Variants in SCMH1 observed in about 807,000 individuals in gnomAD.
SCMH1 encodes the protein polycomb protein SCMH1.
In SCMH1, 37 loss-of-function variants were observed where a neutral mutation model predicts 70.8. That is an observed-to-expected ratio of 0.52 (90% CI 0.40 to 0.69). The LOEUF (loss-of-function observed/expected upper bound fraction) is 0.69, where lower values mean the gene tolerates loss of function less well. Among genes scored for constraint, SCMH1 ranks in the 30% least tolerant of loss-of-function variants. The pLI, the probability that SCMH1 is intolerant of heterozygous loss-of-function variation, is 0.00. For synonymous variants in SCMH1, 292 were observed against 307.4 expected (o/e 0.95, Z 0.52); for missense variants, 607 against 827.3 (o/e 0.73, Z 3.27).
chr1:41,187,013 G>T (rs376524828), intron 1 of SCMH1, among the ~76,000 whole-genome samples: 4 of 152,208 alleles, frequency 2.6e-5, no homozygotes, highest in East Asian at 3.9e-4. Context: ...TTCCCCTAAA[G>T]AACTTTCACT....
chr1:41,148,726 T>A (rs980519000), intron 5 of SCMH1, among the ~76,000 whole-genome samples: 1 of 152,084 alleles, frequency 6.6e-6, no homozygotes, highest in Non-Finnish European at 1.5e-5. Flanking sequence ...TCTGAGTAGT[T>A]TTCTTCTATT....
chr1:41,102,316 G>A (rs964539527), intron 8 of SCMH1, among the ~76,000 whole-genome samples: 1 of 152,140 alleles, frequency 6.6e-6, no homozygotes, highest in Middle Eastern at 3.2e-3. Flanking sequence ...ATTGGCCTTG[G>A]TATAGTAATT....
intron 2 of SCMH1, among the ~76,000 whole-genome samples, chr1:41,183,765 T>C (rs528532514): frequency 1.7e-4 from 26 of 152,258 alleles, no homozygotes; most frequent in Admixed American, 3.9e-4. Flanking sequence ...AACTGTGACA[T>C]AGAGAATGAT....
chr1:41,145,671 C>A (rs958559860), intron 5 of SCMH1, among the ~76,000 whole-genome samples: 7 of 152,082 alleles, frequency 4.6e-5, no homozygotes, highest in Non-Finnish European at 7.4e-5. Context: ...ATGTGATTTG[C>A]AAATATAGTC....
At chr1:41,050,823 G>A (rs1047523178) in intron 10 of SCMH1, among the ~76,000 whole-genome samples, 3 of 152,010 alleles carry the variant, frequency 2.0e-5, no homozygotes, top group East Asian at 1.9e-4. Context: ...CCTAATAATC[G>A]GCAGAGTTGG....
chr1:41,079,057 G>T (rs535460785), intron 8 of SCMH1, among the ~76,000 whole-genome samples: 2 of 152,114 alleles, frequency 1.3e-5, no homozygotes, highest in Non-Finnish European at 2.9e-5. Flanking sequence ...ATTTAAGGTA[G>T]ATTTTAATAA....
At chr1:41,211,652 G>A (rs200990236) in intron 1 of SCMH1, among the ~76,000 whole-genome samples, 6 of 152,090 alleles carry the variant, frequency 3.9e-5, no homozygotes, top group East Asian at 1.9e-4. Context: ...TTGACCCAGC[G>A]ATCCCATTAC....
At chr1:41,183,763 CAT>C (rs1477414378) in intron 2 of SCMH1, among the ~76,000 whole-genome samples, 1 of 152,074 alleles carries the variant, frequency 6.6e-6, no homozygotes, top group Non-Finnish European at 1.5e-5. Context: ...ACAACTGTGA[CAT>C]AGAGAATGAT....
intron 1 of SCMH1, among the ~76,000 whole-genome samples, chr1:41,212,788 C>A (rs537143558): frequency 6.6e-6 from 1 of 152,160 alleles, no homozygotes; most frequent in African/African-American, 2.4e-5. Context: ...TGCCACTAGG[C>A]ACAAAATATG....
At chr1:41,039,580 A>G (rs761602273) in intron 12 of SCMH1, among the ~76,000 whole-genome samples, 1 of 152,044 alleles carries the variant, frequency 6.6e-6, no homozygotes, top group Non-Finnish European at 1.5e-5. Flanking sequence ...CCTGGGTTCA[A>G]GCAATTCTTG....
chr1:41,098,972 G>T, intron 8 of SCMH1: 1 of 266,482 alleles, frequency 3.8e-6, no homozygotes, highest in Non-Finnish European at 7.3e-6. Context: ...ACTTGTGGAT[G>T]TCAAAATCAA....
chr1:41,034,389 G>A (rs1341384445), intron 13 of SCMH1, among the ~76,000 whole-genome samples: 5 of 151,240 alleles, frequency 3.3e-5, no homozygotes, highest in Middle Eastern at 3.2e-3. Context: ...GTGCAGTGGC[G>A]TGATCTCGGC....
At chr1:41,220,180 C>T (rs1658962108) in intron 1 of SCMH1, among the ~76,000 whole-genome samples, 2 of 152,172 alleles carry the variant, frequency 1.3e-5, no homozygotes, top group African/African-American at 4.8e-5. Flanking sequence ...TTTGCTCACG[C>T]AAGGCAAGGA....
intron 8 of SCMH1, among the ~76,000 whole-genome samples, chr1:41,100,785 C>T (rs928345937): frequency 1.1e-4 from 16 of 152,016 alleles, no homozygotes; most frequent in African/African-American, 3.6e-4. Flanking sequence ...AGGCTGGTCT[C>T]GAACTCCTGA....
chr1:41,194,993 T>G (rs1349244724), intron 1 of SCMH1, among the ~76,000 whole-genome samples: 1 of 151,768 alleles, frequency 6.6e-6, no homozygotes, highest in Non-Finnish European at 1.5e-5. Context: ...TAGCTGCGCT[T>G]GGTGGCACAT....
chr1:41,209,111 T>C (rs1343203847), intron 1 of SCMH1, among the ~76,000 whole-genome samples: 57 of 151,882 alleles, frequency 3.8e-4, no homozygotes, highest in Non-Finnish European at 5.9e-4. Context: ...AACTAGAAAA[T>C]CTAGAAGAAA....
intron 1 of SCMH1, among the ~76,000 whole-genome samples, chr1:41,238,218 G>C (rs1662785307): frequency 6.6e-6 from 1 of 152,078 alleles, no homozygotes; most frequent in South Asian, 2.1e-4. Flanking sequence ...TGCTTTATCT[G>C]ATTGTTCCCT....
At chr1:41,036,553 T>C (rs1266826350) in intron 13 of SCMH1, among the ~76,000 whole-genome samples, 3 of 152,212 alleles carry the variant, frequency 2.0e-5, no homozygotes, top group Non-Finnish European at 4.4e-5. Flanking sequence ...ACCTCCTAAC[T>C]TGTTTAGGTT....
chr1:41,106,148 T>C (rs1288791202), intron 8 of SCMH1, among the ~76,000 whole-genome samples: 1 of 151,876 alleles, frequency 6.6e-6, no homozygotes, highest in Non-Finnish European at 1.5e-5. Flanking sequence ...GTGCTGGGAT[T>C]ACAAGTGTGA....
Sources: gnomAD v4.1 joint callset for allele counts (sites outside exome capture counted in the v4.1 genomes callset) on GRCh38, gnomAD v4.1.1 for gene constraint, MANE v1.5 for transcripts, NCBI Gene and HGNC (gene_info 2026-07-23, HGNC 2026-07-21) for gene names.